ADD1: variants seen among roughly 807,000 people sequenced by gnomAD.
The protein encoded by ADD1 is adducin 1.
ADD1 carries 24 observed loss-of-function variants against 80.5 expected under a neutral mutation model. That is an observed-to-expected ratio of 0.30 (90% CI 0.22 to 0.42). The LOEUF (loss-of-function observed/expected upper bound fraction) is 0.42, where lower values mean the gene tolerates loss of function less well. ADD1 is among the 10% of genes least tolerant of loss of function. The pLI is 1.00. For synonymous variants in ADD1, 373 were observed against 393.8 expected (o/e 0.95, Z 0.63); for missense variants, 948 against 1,019.0 (o/e 0.93, Z 0.95).
chr4:2,897,681 G>A, intron 6 of ADD1, among the ~76,000 whole-genome samples: 1 of 151,032 alleles, frequency 6.6e-6, no homozygotes, highest in East Asian at 1.9e-4. Flanking sequence ...CATCACATCT[G>A]GCTAATTTAA....
chr4:2,904,369 T>C (rs1736686777), intron 9 of ADD1, among the ~76,000 whole-genome samples: 1 of 152,194 alleles, frequency 6.6e-6, no homozygotes, highest in African/African-American at 2.4e-5. Flanking sequence ...TCTGCACTTT[T>C]AATGAATGGT....
intron 14 of ADD1, among the ~76,000 whole-genome samples, chr4:2,915,852 T>C (rs1204474538): frequency 6.6e-6 from 1 of 152,114 alleles, no homozygotes; most frequent in Admixed American, 6.5e-5. Context: ...TGAGTGGCCC[T>C]GGCTAGGAGG....
chr4:2,864,318 CAGG>C (rs2108838177), intron 1 of ADD1, among the ~76,000 whole-genome samples: 1 of 152,274 alleles, frequency 6.6e-6, no homozygotes, highest in African/African-American at 2.4e-5. Flanking sequence ...GAGGCTGAGG[CAGG>C]AGAATTGCTT....
intron 1 of ADD1, among the ~76,000 whole-genome samples, chr4:2,872,701 C>T (rs966369099): frequency 2.0e-5 from 3 of 151,984 alleles, no homozygotes; most frequent in Non-Finnish European, 4.4e-5. Flanking sequence ...AGACTACAGG[C>T]GTGTGCCATC....
intron 1 of ADD1, among the ~76,000 whole-genome samples, chr4:2,852,929 G>A (rs1234394389): frequency 6.6e-6 from 1 of 151,900 alleles, no homozygotes; most frequent in East Asian, 1.9e-4. Flanking sequence ...AGGCCTGAAG[G>A]TGCTTTTAAA....
Position 2,876,028 on chromosome 4 carries a change from A to G in ADD1, c.113A>G (p.Glu38Gly), listed in dbSNP as rs771709417. 1.2e-6 allele frequency: 2 copies of G among 1,614,040 alleles called. No individual in the cohort carries two copies. The highest frequency in any genetic ancestry group is 1.3e-5 in the African/African-American group (1 of 74,918). Reference sequence around the variant, plus strand: ...GAGAACAACCCAGAGTACTTGAGGGAGAGGAACATGGCACCAGACCTTCGC... The same window carrying G: ...GAGAACAACCCAGAGTACTTGAGGGGGAGGAACATGGCACCAGACCTTCGC... ...VDENNPEYLR[E>G]RNMAPDLRQD... Residue 38 changes from glutamate (E) to glycine (G), a missense_variant, in exon 2 of 16, where the codon GAG becomes GGG. Transcript: ENST00000683351.
At chr4:2,919,574 T>C (rs994027439) in intron 14 of ADD1, among the ~76,000 whole-genome samples, 68 of 152,236 alleles carry the variant, frequency 4.5e-4, no homozygotes, top group African/African-American at 1.4e-3. Flanking sequence ...GGAGGGTGTA[T>C]GTATCCAGGA....
At chr4:2,925,393 G>A (rs929050611) in intron 14 of ADD1, among the ~76,000 whole-genome samples, 1 of 152,186 alleles carries the variant, frequency 6.6e-6, no homozygotes, top group Non-Finnish European at 1.5e-5. Flanking sequence ...AGACAGAGAT[G>A]GAAGGAGTTA....
chr4:2,872,821 A>G (rs193148713), intron 1 of ADD1, among the ~76,000 whole-genome samples: 99 of 152,272 alleles, frequency 6.5e-4, no homozygotes, highest in Non-Finnish European at 1.2e-3. Context: ...CAGCTTCTCA[A>G]AGTGCTGGGA....
chr4:2,874,723 A>G (rs1222307361), intron 1 of ADD1, among the ~76,000 whole-genome samples: 1 of 152,190 alleles, frequency 6.6e-6, no homozygotes, highest in Non-Finnish European at 1.5e-5. Context: ...AATTTCTTCA[A>G]CTGATTCTTT....
chr4:2,924,877 C>T (rs1035644361), intron 14 of ADD1, among the ~76,000 whole-genome samples: 1 of 152,206 alleles, frequency 6.6e-6, no homozygotes, highest in Admixed American at 6.5e-5. Context: ...TGCACATGTA[C>T]ACAGACATGT....
chr4:2,923,566 C>T (rs1036374543), intron 14 of ADD1, among the ~76,000 whole-genome samples: 3 of 152,236 alleles, frequency 2.0e-5, no homozygotes, highest in Non-Finnish European at 2.9e-5. Context: ...AGCTGCAGAT[C>T]GGAGCTGTTC....
chr4:2,891,341 A>G (rs919417479), intron 4 of ADD1, among the ~76,000 whole-genome samples: 3 of 151,968 alleles, frequency 2.0e-5, no homozygotes, highest in Non-Finnish European at 4.4e-5. Context: ...CCAGCTACTC[A>G]GAGGCTGAGG....
At chr4:2,894,150 A>G (rs553518548) in intron 5 of ADD1, 57 bp downstream of exon 5, 211 of 1,354,896 alleles carry the variant, frequency 1.6e-4, no homozygotes, top group East Asian at 6.4e-4. Context: ...AGGTCATTCA[A>G]CATCTTCAGA....
intron 13 of ADD1, 116 bp downstream of exon 13, chr4:2,909,547 C>T: frequency 1.4e-6 from 1 of 724,326 alleles, no homozygotes; most frequent in Non-Finnish European, 2.3e-6. Context: ...TCAAATGGAT[C>T]TTTAACCTGT....
At chr4:2,888,681 G>C (rs1733807080) in intron 4 of ADD1, among the ~76,000 whole-genome samples, 1 of 151,998 alleles carries the variant, frequency 6.6e-6, no homozygotes, top group Admixed American at 6.6e-5. Context: ...GCCTCCCAAA[G>C]TGCTAGGGTT....
chr4:2,905,417 A>G, intron 10 of ADD1: 1 of 373,936 alleles, frequency 2.7e-6, no homozygotes, highest in Non-Finnish European at 4.9e-6. Context: ...TTTAATTCAA[A>G]TTATATTCAG....
chr4:2,903,381 GC>G (rs1736515197), intron 9 of ADD1, among the ~76,000 whole-genome samples: 1 of 152,220 alleles, frequency 6.6e-6, no homozygotes, highest in Admixed American at 6.5e-5. Flanking sequence ...TCGAACAGCA[GC>G]CATTTATTTC....
chr4:2,919,058 C>T (rs865858246), intron 14 of ADD1, among the ~76,000 whole-genome samples: 2 of 152,038 alleles, frequency 1.3e-5, no homozygotes, highest in Non-Finnish European at 2.9e-5. Flanking sequence ...CCAGGATGGT[C>T]TCGATCTCCT....
Sources: gnomAD v4.1 joint callset for allele counts (sites outside exome capture counted in the v4.1 genomes callset) on GRCh38, gnomAD v4.1.1 for gene constraint, MANE v1.5 for transcripts, NCBI Gene and HGNC (gene_info 2026-07-23, HGNC 2026-07-21) for gene names.